DLEC1: variants seen among roughly 807,000 people sequenced by gnomAD.
DLEC1 encodes the protein DLEC1 cilia and flagella associated protein.
Under a neutral mutation model 198.1 loss-of-function variants are expected in DLEC1, and 146 were observed. The observed-to-expected ratio is 0.74, with a 90% CI of 0.64 to 0.85. The LOEUF (loss-of-function observed/expected upper bound fraction) is 0.85, where lower values mean the gene tolerates loss of function less well. Among genes scored for constraint, DLEC1 ranks in the 40% least tolerant of loss-of-function variants. DLEC1 has a pLI of 0.00. For synonymous variants in DLEC1, 897 were observed against 866.8 expected (o/e 1.03, Z -0.61); for missense variants, 2,233 against 2,220.0 (o/e 1.01, Z -0.12).
intron 9 of DLEC1, 70 bp downstream of exon 9, chr3:38,086,447 T>C (rs762980297): frequency 7.8e-6 from 12 of 1,534,102 alleles, no homozygotes; most frequent in Non-Finnish European, 1.1e-5. Flanking sequence ...CAGAGGAACT[T>C]ACTAGAGTAT....
chr3:38,062,489 TTGGCCATCTA>T (rs1696744081), intron 4 of DLEC1, 82 bp from the exon 5 acceptor site: 1 of 1,576,262 alleles, frequency 6.3e-7, no homozygotes, highest in Non-Finnish European at 8.7e-7. Flanking sequence ...AGAGCTTGTG[TTGGCCATCTA>T]TGGGTCATGC....
chr3:38,104,474 A>C (rs562586445), intron 19 of DLEC1, among the ~76,000 whole-genome samples: 10 of 151,914 alleles, frequency 6.6e-5, no homozygotes, highest in Admixed American at 1.3e-4. Flanking sequence ...CCATCCCCCC[A>C]AAAAAAGATT....
chr3:38,052,153 C>T, intron 2 of DLEC1: 1 of 399,116 alleles, frequency 2.5e-6, no homozygotes, highest in Non-Finnish European at 5.0e-6. Context: ...TTTTGAAGAG[C>T]CTCAAGATCC....
chr3:38,112,124 G>C lies in DLEC1; in HGVS notation c.3515-86G>C, dbSNP rs1441819356. 6.3e-7 allele frequency: 1 copy of C among 1,583,398 alleles called. No individual in the cohort carries two copies. ...AGAGGCTGGAGGGTGGCTTATCGGG[G>C]ACAGTGCTTTGCTCACACACGAGGG... On this transcript the variant is annotated intron_variant, in intron 24 of 36. Coordinates refer to ENST00000308059, the MANE Select transcript of DLEC1 (RefSeq NM_007335.4). The surrounding 1 kb of genome is among the most constrained non-coding windows in gnomAD (Gnocchi z 4.8).
chr3:38,055,362 A>T (rs551326230), intron 2 of DLEC1, among the ~76,000 whole-genome samples: 185 of 152,352 alleles, frequency 1.2e-3, no homozygotes, highest in African/African-American at 4.2e-3. Context: ...AAGATCTTAA[A>T]TGCAGCCAAG....
chr3:38,063,507 A>G (rs369349416), intron 5 of DLEC1, among the ~76,000 whole-genome samples: 174 of 152,276 alleles, frequency 1.1e-3, no homozygotes, highest in African/African-American at 4.1e-3. Flanking sequence ...GAAAAGAGAA[A>G]GAAAAGAAAG....
At chr3:38,083,731 T>A (rs1243966467) in intron 6 of DLEC1, among the ~76,000 whole-genome samples, 1 of 152,232 alleles carries the variant, frequency 6.6e-6, no homozygotes, top group Non-Finnish European at 1.5e-5. Flanking sequence ...TTCTGACAGA[T>A]CTATTCCTGC....
intron 7 of DLEC1, among the ~76,000 whole-genome samples, chr3:38,084,470 GGTGGTGGTGGTA>G (rs1559430376): frequency 0.083 from 62 of 750 alleles, 5 homozygotes; most frequent in South Asian, 0.31. Context: ...TAATAGTAGT[GGTGGTGGTGGTA>G]GTAGTGGTGG....
chr3:38,081,569 G>A (rs1460034923), intron 6 of DLEC1, among the ~76,000 whole-genome samples: 8 of 103,398 alleles, frequency 7.7e-5, no homozygotes, highest in Non-Finnish European at 9.7e-5. Flanking sequence ...GCCGGGCAGG[G>A]GGCTGAGCCC....
At chr3:38,040,008 A>G (rs918424545) in intron 1 of DLEC1, among the ~76,000 whole-genome samples, 1 of 152,172 alleles carries the variant, frequency 6.6e-6, no homozygotes, top group Non-Finnish European at 1.5e-5. Flanking sequence ...CACAAACCAC[A>G]ATCTTGACTG....
Position 38,108,351 on chromosome 3 carries a change from G to A in DLEC1, c.3019-54G>A, listed in dbSNP as rs563519328. ...CAGTGCTGAGCACTCTCTGGATACT[G>A]GTCCATTCTGGGAGCCCAGTAAGTG... On this transcript the variant is annotated intron_variant, in intron 20 of 36. Transcript: ENST00000308059. 2.3e-5 allele frequency: 33 copies of A among 1,447,296 alleles called. No homozygotes were observed. The African/African-American group carries it at 2.8e-4, about 12-fold the overall frequency. 89.7% of individuals were successfully genotyped at this position (1,447,296 alleles called of 1,614,324 possible).
chr3:38,084,387 GTGGTA>G, intron 7 of DLEC1, 142 bp downstream of exon 7: 3 of 660,662 alleles, frequency 4.5e-6, no homozygotes, highest in Admixed American at 2.8e-5. Context: ...GGTGGTAGTA[GTGGTA>G]GTAGTAGTAG....
Position 38,059,772 on chromosome 3 carries a change from G to C in DLEC1, c.593G>C (p.Ser198Thr). 1 of 1,614,174 alleles carries C rather than the reference G, an allele frequency of 6.2e-7. No individual in the cohort carries two copies. Among genetic ancestry groups the C allele is most frequent in the Non-Finnish European group, 8.5e-7 (1 of 1,180,028 alleles). ...VKSVSRWCID[S>T]ELLRKHHLIS... ...AGTGTCTCCAGATGGTGTATAGACA[G>C]CGAGTTGCTACGGAAACATCATTTG... Residue 198 changes from serine (S) to threonine (T), a missense_variant, in exon 3 of 37, where the codon AGC becomes ACC. Transcript: ENST00000308059.
At chr3:38,114,260 C>T in intron 25 of DLEC1, 82 bp from the exon 26 acceptor site, 3 of 1,396,660 alleles carry the variant, frequency 2.1e-6, no homozygotes, top group Non-Finnish European at 3.0e-6. Context: ...CCTGGGCTGG[C>T]TGGACAAGTG....
chr3:38,095,222 C>T (rs1698949735), intron 13 of DLEC1, 151 bp downstream of exon 13: 3 of 883,564 alleles, frequency 3.4e-6, no homozygotes, highest in Non-Finnish European at 5.2e-6. Flanking sequence ...GGTTGGAGTA[C>T]ACACCTGGTG....
At chr3:38,111,197 G>A (rs542497439) in intron 23 of DLEC1, among the ~76,000 whole-genome samples, 6 of 152,244 alleles carry the variant, frequency 3.9e-5, no homozygotes, top group Admixed American at 6.5e-5. Flanking sequence ...TAGAAACCAC[G>A]GCTATGGGTG....
chr3:38,061,613 G>A (rs1696691570), intron 3 of DLEC1, among the ~76,000 whole-genome samples: 1 of 152,320 alleles, frequency 6.6e-6, no homozygotes, highest in Middle Eastern at 3.4e-3. Context: ...GTCTACTCAT[G>A]TTCTTTGACC....
chr3:38,108,411 G>A lies in DLEC1; in HGVS notation c.3025G>A (p.Gly1009Arg), dbSNP rs372104796. The change falls in exon 21 of 37, where the codon GGA becomes AGA. Residue 1009 changes from glycine to arginine, a missense_variant. Transcript: ENST00000308059. ...PTQFHWGKLL[G>R]HQAEFCMVTV... is the part of the protein sequence containing the mutation. ...TCACTCATGTGTCTGCCAGCTCCTC[G>A]GACACCAAGCAGAATTCTGCATGGT... 181 of 1,613,704 alleles carry A rather than the reference G, an allele frequency of 1.1e-4. 1 individual carries two copies. The highest frequency in any genetic ancestry group is 1.5e-4 in the Admixed American group (9 of 59,964).
chr3:38,071,295 T>A (rs781348546), intron 6 of DLEC1, among the ~76,000 whole-genome samples: 6 of 152,126 alleles, frequency 3.9e-5, no homozygotes, highest in Non-Finnish European at 7.4e-5. Context: ...ACCTAGGATA[T>A]TTAATTAGAG....
Sources: allele counts gnomAD v4.1 joint callset (sites outside exome capture counted in the v4.1 genomes callset), GRCh38; gene constraint gnomAD v4.1.1; non-coding constraint Gnocchi (gnomAD v3.1); transcripts MANE v1.5; gene names NCBI Gene and HGNC (gene_info 2026-07-23, HGNC 2026-07-21).